Variants in CNBD1 observed in about 807,000 individuals in gnomAD.
CNBD1 encodes the protein cyclic nucleotide-binding domain-containing protein 1.
CNBD1 carries 71 observed loss-of-function variants against 54.4 expected under a neutral mutation model. The ratio of observed to expected loss-of-function variants is 1.30; its 90% CI spans 1.08 to 1.59. CNBD1 has a LOEUF of 1.59. CNBD1 is among the 40% of genes most tolerant of loss of function. The pLI, the probability that CNBD1 is intolerant of heterozygous loss-of-function variation, is 0.00. For synonymous variants in CNBD1, 182 were observed against 170.7 expected (o/e 1.07, Z -0.51); for missense variants, 659 against 518.0 (o/e 1.27, Z -2.64).
intron 10 of CNBD1, among the ~76,000 whole-genome samples, chr8:87,367,391 G>A (rs1355351692): frequency 1.3e-5 from 2 of 152,014 alleles, no homozygotes; most frequent in South Asian, 2.1e-4. Context: ...GTGATGAAGA[G>A]GTATTTCTCA....
chr8:87,018,679 G>A (rs2130572591), intron 4 of CNBD1, among the ~76,000 whole-genome samples: 1 of 152,190 alleles, frequency 6.6e-6, no homozygotes, highest in African/African-American at 2.4e-5. Context: ...AAAGACCAGA[G>A]ATACAAATCT....
chr8:87,321,803 C>CTT (rs765165524), intron 8 of CNBD1, among the ~76,000 whole-genome samples: 4 of 89,006 alleles, frequency 4.5e-5, no homozygotes, highest in African/African-American at 1.6e-4. Context: ...TTTTCTTTTT[C>CTT]TTTTTTTTTT....
chr8:87,255,963 G>T (rs7818537), intron 6 of CNBD1, among the ~76,000 whole-genome samples: 303 of 82,598 alleles, frequency 3.7e-3, no homozygotes, highest in African/African-American at 0.012. Context: ...CATATGATTT[G>T]CAGCTACAAA....
intron 4 of CNBD1, among the ~76,000 whole-genome samples, chr8:87,109,149 A>G (rs1168078344): frequency 6.6e-6 from 1 of 152,268 alleles, no homozygotes; most frequent in Admixed American, 6.5e-5. Flanking sequence ...ATTTTATGAC[A>G]TCTCACCACC....
chr8:87,364,358 A>T (rs894795270), intron 10 of CNBD1, among the ~76,000 whole-genome samples: 31 of 151,924 alleles, frequency 2.0e-4, no homozygotes, highest in Admixed American at 6.6e-4. Flanking sequence ...ATGTTTGTTT[A>T]TTTTGTAAGA....
intron 6 of CNBD1, among the ~76,000 whole-genome samples, chr8:87,266,662 G>A (rs1255737174): frequency 1.3e-5 from 2 of 151,598 alleles, no homozygotes; most frequent in African/African-American, 4.8e-5. Context: ...ATGTTGGTCA[G>A]GCTAGTCTTG....
intron 4 of CNBD1, among the ~76,000 whole-genome samples, chr8:87,104,997 GT>G (rs1811504216): frequency 6.6e-6 from 1 of 152,106 alleles, no homozygotes; most frequent in African/African-American, 2.4e-5. Context: ...ATTTTATATA[GT>G]TTTTTATGTT....
At chr8:87,304,767 T>A (rs1297161864) in intron 8 of CNBD1, among the ~76,000 whole-genome samples, 1 of 152,054 alleles carries the variant, frequency 6.6e-6, no homozygotes, top group Non-Finnish European at 1.5e-5. Flanking sequence ...TATCTTAATG[T>A]AATAAAAGCC....
chr8:87,347,861 C>T lies in CNBD1; in HGVS notation c.1043-3824C>T, dbSNP rs565695248. ...ACCAAATATTGCCCTTCTTCACCTT[C>T]CCTATTTTGCAGTGAGTAACCATAT... On this transcript the variant is annotated intron_variant, in intron 8 of 10. Coordinates refer to ENST00000518476, the MANE Select transcript of CNBD1 (RefSeq NM_173538.3). 7.8e-4 allele frequency among the ~76,000 whole-genome samples: 119 copies of T among 152,196 alleles called. No individual in the cohort carries two copies. The Middle Eastern group carries it at 0.01, about 13-fold the overall frequency.
intron 4 of CNBD1, among the ~76,000 whole-genome samples, chr8:87,053,150 G>A (rs1810345868): frequency 6.6e-6 from 1 of 152,164 alleles, no homozygotes; most frequent in South Asian, 2.1e-4. Flanking sequence ...TTAAAGAGCT[G>A]GATCAATTGT....
chr8:87,394,939 T>C (rs1811382288), intron 2 of CNBD1, among the ~76,000 whole-genome samples: 1 of 151,882 alleles, frequency 6.6e-6, no homozygotes, highest in Non-Finnish European at 1.5e-5. Flanking sequence ...ATTAAGTAAA[T>C]TCACTAACCC....
chr8:86,896,309 A>C (rs537020443), intron 2 of CNBD1, among the ~76,000 whole-genome samples: 3 of 152,102 alleles, frequency 2.0e-5, no homozygotes, highest in African/African-American at 7.2e-5. Context: ...ATCTTTATAA[A>C]AGTACCAATG....
At chr8:87,076,256 T>G (rs1810870826) in intron 4 of CNBD1, among the ~76,000 whole-genome samples, 1 of 152,152 alleles carries the variant, frequency 6.6e-6, no homozygotes, top group Non-Finnish European at 1.5e-5. Context: ...CTGCACAGAG[T>G]GTTGATACCA....
rs188291784 is a variant in CNBD1 at position 87,283,896 on chromosome 8, T to C, written c.772-782T>C. Among the ~76,000 whole-genome samples, 268 of 152,248 alleles carry C rather than the reference T, an allele frequency of 1.8e-3. 1 individual carries two copies. Among genetic ancestry groups the C allele is most frequent in the Non-Finnish European group, 1.5e-3 (99 of 68,010 alleles). On this transcript the variant is annotated intron_variant, in intron 6 of 10. Transcript: ENST00000518476. ...CACTTTGGCCTCAGCTGTGACTGTT[T>C]GACATTTTAAATTTCCTCTATATAT...
intron 1 of CNBD1, among the ~76,000 whole-genome samples, chr8:86,885,019 T>A (rs1808661214): frequency 6.6e-6 from 1 of 152,220 alleles, no homozygotes; most frequent in South Asian, 2.1e-4. Flanking sequence ...CTGAGTAAAT[T>A]GTGGCTATGT....
chr8:87,011,178 T>C (rs1338343674), intron 4 of CNBD1, among the ~76,000 whole-genome samples: 1 of 143,186 alleles, frequency 7.0e-6, no homozygotes, highest in Non-Finnish European at 1.5e-5. Flanking sequence ...TATTAGAGTT[T>C]GGTTTTTTTT....
chr8:87,378,631 C>G lies in CNBD1; in HGVS notation c.1304-3989C>G, dbSNP rs6984445. Among the ~76,000 whole-genome samples, 969 of 143,366 alleles carry G rather than the reference C, an allele frequency of 6.8e-3. 17 individuals carry two copies. Among genetic ancestry groups the G allele is most frequent in the Non-Finnish European group, 9.9e-3 (635 of 64,096 alleles). 94.1% of individuals were successfully genotyped at this position (143,366 alleles called of 152,430 possible). ...CTTTTGGCTTAGGATTGACTTGGCT[C>G]TGCAGGCTCTTTTTTGGTTCCATAT... On this transcript the variant is annotated intron_variant, in intron 10 of 10. Transcript: ENST00000518476.
chr8:87,329,763 A>T (rs1043574246), intron 8 of CNBD1, among the ~76,000 whole-genome samples: 1 of 151,960 alleles, frequency 6.6e-6, no homozygotes, highest in Non-Finnish European at 1.5e-5. Flanking sequence ...CGCAACCCTT[A>T]TATATTATCC....
At chr8:86,951,581 CAAAAAAA>C (rs71275901) in intron 4 of CNBD1, among the ~76,000 whole-genome samples, 63 of 37,346 alleles carry the variant, frequency 1.7e-3, no homozygotes, top group Admixed American at 3.6e-3. Flanking sequence ...CTCCGTCTCA[CAAAAAAA>C]AAAAAAAAAA....
Sources: allele counts gnomAD v4.1 joint callset (sites outside exome capture counted in the v4.1 genomes callset), GRCh38; gene constraint gnomAD v4.1.1; transcripts MANE v1.5; gene names NCBI Gene and HGNC (gene_info 2026-07-23, HGNC 2026-07-21).